Variants in ELMO1 observed in about 807,000 individuals in gnomAD.
The protein encoded by ELMO1 is engulfment and cell motility 1.
A neutral mutation model predicts 98.9 loss-of-function variants in ELMO1; 26 were observed. That is an observed-to-expected ratio of 0.26 (90% CI 0.19 to 0.36). ELMO1 has a LOEUF of 0.36. Ranked by LOEUF, ELMO1 falls within the 10% of genes least tolerant of loss-of-function variation. ELMO1 has a pLI of 1.00. For synonymous variants in ELMO1, 346 were observed against 346.0 expected, an observed-to-expected ratio of 1.00 and a Z score of 0.00; for missense variants, 627 against 935.2, an observed-to-expected ratio of 0.67 and a Z score of 4.30.
chr7:37,225,092 G>A (rs1029394358), intron 8 of ELMO1, 62 bp from the exon 9 acceptor site: 57 of 1,588,242 alleles, frequency 3.6e-5, no homozygotes, highest in Non-Finnish European at 4.8e-5. Flanking sequence ...ACGTGGAGAA[G>A]GGAACAAATG....
intron 14 of ELMO1, among the ~76,000 whole-genome samples, chr7:37,118,700 G>A (rs1230984913): frequency 2.0e-5 from 3 of 152,124 alleles, no homozygotes; most frequent in African/African-American, 4.8e-5. Flanking sequence ...CATCATCAAC[G>A]GGCACTAACT....
At chr7:36,865,167 G>A (rs79556309) in intron 20 of ELMO1, among the ~76,000 whole-genome samples, 246 of 152,170 alleles carry the variant, frequency 1.6e-3, no homozygotes, top group African/African-American at 5.6e-3. Flanking sequence ...ATTGTTTGAC[G>A]GTAACTCACC....
At chr7:37,334,069 G>A (rs1486068323) in intron 2 of ELMO1, among the ~76,000 whole-genome samples, 1 of 152,062 alleles carries the variant, frequency 6.6e-6, no homozygotes, top group African/African-American at 2.4e-5. Context: ...GCATCACCAG[G>A]GGAGCTTCAT....
chr7:36,965,685 T>TA, intron 16 of ELMO1, among the ~76,000 whole-genome samples: 1 of 152,078 alleles, frequency 6.6e-6, no homozygotes, highest in Non-Finnish European at 1.5e-5. Flanking sequence ...CAAGTTTCTA[T>TA]AAAAAACCTA....
At chr7:37,164,157 T>C (rs1207751087) in intron 13 of ELMO1, among the ~76,000 whole-genome samples, 2 of 152,252 alleles carry the variant, frequency 1.3e-5, no homozygotes, top group African/African-American at 4.8e-5. Context: ...TGTCTGTTCA[T>C]ATCCTTTGCC....
At chr7:37,065,571 A>G (rs991071575) in intron 15 of ELMO1, among the ~76,000 whole-genome samples, 5 of 152,098 alleles carry the variant, frequency 3.3e-5, no homozygotes, top group Admixed American at 6.5e-5. Context: ...AAGGTCTTCC[A>G]TGGGTTTGCA....
rs750259255 is a variant in ELMO1 at position 37,213,389 on chromosome 7, G to T, written c.900C>A (p.Leu300=). 6.2e-7 allele frequency: 1 copy of T among 1,612,786 alleles called. No homozygotes were observed. The highest frequency in any genetic ancestry group is 1.1e-5 in the South Asian group (1 of 91,012). ...MAHQLYVLQV[L]TFNLLEDRMM... ...TCCTGTCTTCCAGGAGGTTAAAGGT[G>T]AGCACTTGTAGAACATACAGCTGGT... Residue 300 remains leucine, a synonymous_variant, in exon 12 of 22, where the codon CTC becomes CTA. Transcript: ENST00000310758.
At chr7:37,424,829 A>C (rs1363583554) in intron 1 of ELMO1, among the ~76,000 whole-genome samples, 1 of 151,848 alleles carries the variant, frequency 6.6e-6, no homozygotes, top group Non-Finnish European at 1.5e-5. Context: ...AAACTTCCCA[A>C]AGAGTAACCC....
chr7:36,980,333 A>G (rs1194500958), intron 16 of ELMO1, among the ~76,000 whole-genome samples: 1 of 152,242 alleles, frequency 6.6e-6, no homozygotes, highest in Non-Finnish European at 1.5e-5. Context: ...GTGCTGTGTT[A>G]AGAAGGATTC....
intron 16 of ELMO1, among the ~76,000 whole-genome samples, chr7:37,010,527 GAGA>G (rs1320793815): frequency 6.6e-6 from 1 of 152,220 alleles, no homozygotes; most frequent in Non-Finnish European, 1.5e-5. Context: ...GATGGCATCT[GAGA>G]AGGACTCAAG....
chr7:36,980,846 GCT>G (rs1790990261), intron 16 of ELMO1, among the ~76,000 whole-genome samples: 1 of 152,134 alleles, frequency 6.6e-6, no homozygotes, highest in Admixed American at 6.5e-5. Context: ...AATTCATCTT[GCT>G]CTGAGATCCA....
intron 18 of ELMO1, among the ~76,000 whole-genome samples, chr7:36,878,926 C>T (rs1303193127): frequency 2.6e-5 from 4 of 152,190 alleles, no homozygotes; most frequent in African/African-American, 7.2e-5. Flanking sequence ...GACAGCAATG[C>T]TTGTGCAGCT....
intron 17 of ELMO1, 30 bp downstream of exon 17, chr7:36,894,824 G>A (rs1346543961): frequency 6.2e-7 from 1 of 1,613,706 alleles, no homozygotes; most frequent in Non-Finnish European, 8.5e-7. Context: ...GAGTCTTTTG[G>A]GAGATAGAAG....
chr7:37,244,198 T>A (rs1794887670), intron 7 of ELMO1, among the ~76,000 whole-genome samples, 158 bp downstream of exon 7: 1 of 152,084 alleles, frequency 6.6e-6, no homozygotes, highest in Non-Finnish European at 1.5e-5. Context: ...GAAGAAGTTG[T>A]TTATAAAAGA....
chr7:36,905,399 A>G (rs1783893322), intron 16 of ELMO1, among the ~76,000 whole-genome samples: 1 of 152,098 alleles, frequency 6.6e-6, no homozygotes, highest in Non-Finnish European at 1.5e-5. Context: ...GGGGATGGTG[A>G]ATTCACTTCC....
At chr7:37,022,360 T>C (rs535623738) in intron 15 of ELMO1, among the ~76,000 whole-genome samples, 1 of 152,298 alleles carries the variant, frequency 6.6e-6, no homozygotes, top group African/African-American at 2.4e-5. Flanking sequence ...CTATGATATA[T>C]AACCACTCCT....
chr7:37,171,650 G>A (rs996199460), intron 13 of ELMO1, among the ~76,000 whole-genome samples: 6 of 151,702 alleles, frequency 4.0e-5, no homozygotes, highest in African/African-American at 7.3e-5. Flanking sequence ...CCACCACCAT[G>A]CCCAGCTAAT....
chr7:37,289,975 T>C (rs1467590062), intron 4 of ELMO1, among the ~76,000 whole-genome samples: 4 of 152,160 alleles, frequency 2.6e-5, no homozygotes, highest in Non-Finnish European at 5.9e-5. Context: ...TCCAGATCTG[T>C]TGGGAGGGAC....
chr7:37,180,829 CACAT>C lies in ELMO1; in HGVS notation c.1086+30553_1086+30556del, dbSNP rs1297031540. On this transcript the variant is annotated intron_variant, in intron 13 of 21. Transcript: ENST00000310758. ...ACATATGCGCACACACACACACACACACATGCACACGCAAACAGAGAAAGAGAGA... is the reference window on the plus strand; with the variant it reads ...ACATATGCGCACACACACACACACACGCACACGCAAACAGAGAAAGAGAGA... Among the ~76,000 whole-genome samples the C allele has an allele frequency of 7.9e-5, 12 of 151,632 alleles. 2 individuals are homozygous for C. The highest frequency in any genetic ancestry group is 7.9e-4 in the Admixed American group (12 of 15,216).
Sources: gnomAD v4.1 joint callset for allele counts (sites outside exome capture counted in the v4.1 genomes callset) on GRCh38, gnomAD v4.1.1 for gene constraint, MANE v1.5 for transcripts, NCBI Gene and HGNC (gene_info 2026-07-23, HGNC 2026-07-21) for gene names.